The following CAMSAP2 variants were observed in gnomAD, a reference collection of about 807,000 sequenced individuals.
CAMSAP2 encodes calmodulin-regulated spectrin-associated protein 2.
In CAMSAP2, 26 loss-of-function variants were observed where a neutral mutation model predicts 146.1. The observed-to-expected ratio is 0.18, with a 90% CI of 0.13 to 0.25. CAMSAP2 has a LOEUF of 0.25. CAMSAP2 is among the 10% of genes least tolerant of loss of function. The probability of loss-of-function intolerance (pLI) is 1.00; values close to 1 mark genes in which losing one functional copy is unlikely to be tolerated. For missense variants in CAMSAP2, 1,381 were observed against 1,759.3 expected, an observed-to-expected ratio of 0.78 and a Z score of 3.85; for synonymous variants, 499 against 596.6, an observed-to-expected ratio of 0.84 and a Z score of 2.38.
intron 6 of CAMSAP2, among the ~76,000 whole-genome samples, chr1:200,835,453 A>G (rs527333687): frequency 6.6e-6 from 1 of 152,300 alleles, no homozygotes; most frequent in African/African-American, 2.4e-5. Context: ...TCATCGGCAG[A>G]TATTTACTGA....
chr1:200,748,642 GTCCTA>G (rs1664411261), intron 1 of CAMSAP2, among the ~76,000 whole-genome samples: 1 of 150,908 alleles, frequency 6.6e-6, no homozygotes, highest in African/African-American at 2.4e-5. Context: ...CAGAGTATTT[GTCCTA>G]TAAAGTCTCC....
chr1:200,752,823 T>C (rs1664546892), intron 1 of CAMSAP2, among the ~76,000 whole-genome samples: 1 of 151,986 alleles, frequency 6.6e-6, no homozygotes, highest in Non-Finnish European at 1.5e-5. Flanking sequence ...TTTGCCGTGT[T>C]AGCCAGGATG....
At chr1:200,755,385 G>A (rs1023550381) in intron 1 of CAMSAP2, among the ~76,000 whole-genome samples, 2 of 152,206 alleles carry the variant, frequency 1.3e-5, no homozygotes, top group African/African-American at 2.4e-5. Context: ...GTTTATTCTA[G>A]TTTTTCCTTT....
In CAMSAP2 at chr1:200,849,513, A is replaced by G. The variant is rs374097552; in HGVS notation, c.2744A>G (p.Gln915Arg). ...ATGTTAATGCAGATGAGAGAGCAAC[A>G]ATCTTGGGTGATTTCACCTCCACAA... ...QEMLMQMREQQSWVISPPQPS... is the reference protein window; with the variant it reads ...QEMLMQMREQRSWVISPPQPS... The change falls in exon 11 of 17, where the codon CAA (glutamine) becomes CGA (arginine). Residue 915 changes from glutamine (Q) to arginine (R), a missense_variant. By Grantham distance (43) the Gln-to-Arg change is conservative. Around this residue, in one of 4 missense-constraint regions of CAMSAP2, gnomAD observed 560 missense variants for 715.9 expected, o/e 0.78. Transcript: ENST00000358823. This position sits in a 1 kb window ranked among gnomAD's most constrained non-coding sequence, Gnocchi z 6.3. 1 of 1,614,196 alleles carries G rather than the reference A, an allele frequency of 6.2e-7. No homozygotes were observed. Among genetic ancestry groups the G allele is most frequent in the Non-Finnish European group, 8.5e-7 (1 of 1,180,028 alleles).
intron 4 of CAMSAP2, among the ~76,000 whole-genome samples, chr1:200,826,371 G>A (rs976393330): frequency 1.5e-4 from 23 of 151,962 alleles, no homozygotes; most frequent in Admixed American, 7.9e-4. Context: ...GGCAGAGGTT[G>A]CAGTGAGCTG....
intron 4 of CAMSAP2, among the ~76,000 whole-genome samples, chr1:200,825,932 A>G (rs1159802918): frequency 6.6e-6 from 1 of 152,228 alleles, no homozygotes; most frequent in Non-Finnish European, 1.5e-5. Flanking sequence ...TGTGCTGCAC[A>G]GAATACTGTT....
chr1:200,778,039 A>G (rs1007168370), intron 2 of CAMSAP2, among the ~76,000 whole-genome samples: 1 of 152,286 alleles, frequency 6.6e-6, no homozygotes, highest in Admixed American at 6.5e-5. Context: ...GGAGTTCGAG[A>G]CCAGCCTGGG....
intron 2 of CAMSAP2, among the ~76,000 whole-genome samples, chr1:200,771,475 A>G (rs900302760): frequency 6.6e-6 from 1 of 152,168 alleles, no homozygotes; most frequent in Non-Finnish European, 1.5e-5. Context: ...TCCTTTACTG[A>G]TAACATATTT....
intron 2 of CAMSAP2, among the ~76,000 whole-genome samples, chr1:200,765,866 T>C (rs1664935360): frequency 6.6e-6 from 1 of 152,088 alleles, no homozygotes; most frequent in Non-Finnish European, 1.5e-5. Context: ...ATTGACTGCA[T>C]GGAGGGATAA....
rs747204146 is a variant in CAMSAP2 at position 200,849,419 on chromosome 1, A to T, written c.2650A>T (p.Ile884Phe). The T allele has an allele frequency of 1.2e-6, 2 of 1,614,236 alleles. No homozygotes were observed. The highest frequency in any genetic ancestry group is 1.7e-6 in the Non-Finnish European group (2 of 1,180,032). Residue 884 changes from isoleucine to phenylalanine, a missense_variant, in exon 11 of 17, where the codon ATT (isoleucine) becomes TTT (phenylalanine). This residue lies in a region of CAMSAP2 where 560 missense variants were observed against 715.9 expected (regional missense o/e 0.78). Transcript: ENST00000358823. This position sits in a 1 kb window ranked among gnomAD's most constrained non-coding sequence, Gnocchi z 6.3. ...EGEILEYTKS[I>F]EKLNSSLHFL... ...AGAGATTTTAGAATATACCAAATCCATTGAAAAGTTAAATTCATCCCTGCA... is the reference window on the plus strand; with the variant it reads ...AGAGATTTTAGAATATACCAAATCCTTTGAAAAGTTAAATTCATCCCTGCA...
chr1:200,770,886 G>C (rs1188812344), intron 2 of CAMSAP2, among the ~76,000 whole-genome samples: 1 of 152,138 alleles, frequency 6.6e-6, no homozygotes, highest in Non-Finnish European at 1.5e-5. Context: ...AGTGGAAAGA[G>C]GTGTAGAAAG....
chr1:200,754,858 A>C (rs1194632766), intron 1 of CAMSAP2, among the ~76,000 whole-genome samples: 1 of 152,140 alleles, frequency 6.6e-6, no homozygotes, highest in Non-Finnish European at 1.5e-5. Context: ...CTGGGATTAC[A>C]GGCGTGAGCC....
intron 6 of CAMSAP2, among the ~76,000 whole-genome samples, chr1:200,836,135 C>T (rs961483634): frequency 6.6e-6 from 1 of 151,908 alleles, no homozygotes; most frequent in Non-Finnish European, 1.5e-5. Flanking sequence ...CTCAAGGGTA[C>T]ATATGCAGGT....
intron 15 of CAMSAP2, 83 bp downstream of exon 15, chr1:200,856,208 C>T: frequency 1.0e-6 from 1 of 970,186 alleles, no homozygotes; most frequent in African/African-American, 1.6e-5. Flanking sequence ...ATTTTATTGG[C>T]TCACCTTTGG....
At chr1:200,747,872 A>C (rs1664381532) in intron 1 of CAMSAP2, among the ~76,000 whole-genome samples, 1 of 151,606 alleles carries the variant, frequency 6.6e-6, no homozygotes, top group Non-Finnish European at 1.5e-5. Context: ...CTGTAGTCCC[A>C]GCTACTTGGG....
At chr1:200,821,344 A>G (rs1666758094) in intron 4 of CAMSAP2, among the ~76,000 whole-genome samples, 1 of 151,816 alleles carries the variant, frequency 6.6e-6, no homozygotes, top group African/African-American at 2.4e-5. Context: ...CACCATGCCT[A>G]TCTAATTTTT....
chr1:200,856,153 C>T, intron 15 of CAMSAP2, 28 bp downstream of exon 15: 1 of 1,502,950 alleles, frequency 6.7e-7, no homozygotes, highest in Non-Finnish European at 9.2e-7. Context: ...TTTAGAGAAA[C>T]ATTTGAATTT....
At chr1:200,809,683 A>G (rs551735937) in intron 3 of CAMSAP2, among the ~76,000 whole-genome samples, 25 of 152,348 alleles carry the variant, frequency 1.6e-4, no homozygotes, top group African/African-American at 5.3e-4. Context: ...GTGAGCCGAG[A>G]TCGCGCCAGT....
chr1:200,807,573 T>C (rs1666212941), intron 3 of CAMSAP2, 36 bp downstream of exon 3: 2 of 1,427,758 alleles, frequency 1.4e-6, no homozygotes, highest in African/African-American at 2.9e-5. Context: ...TCGCATCTCA[T>C]AGCCAGAAAA....
Sources: gnomAD v4.1 joint callset for allele counts (sites outside exome capture counted in the v4.1 genomes callset) on GRCh38, gnomAD v4.1.1 for gene constraint, gnomAD v4.1.1 regional missense constraint, Gnocchi (gnomAD v3.1) non-coding constraint, MANE v1.5 for transcripts, NCBI Gene and HGNC (gene_info 2026-07-23, HGNC 2026-07-21) for gene names.